The following SRRM4 variants were observed in gnomAD, a reference collection of about 807,000 sequenced individuals.
The protein encoded by SRRM4 is serine/arginine repetitive matrix protein 4.
Under a neutral mutation model 68.9 loss-of-function variants are expected in SRRM4, and 33 were observed. That is an observed-to-expected ratio of 0.48 (90% confidence interval 0.36 to 0.64). The LOEUF (loss-of-function observed/expected upper bound fraction) is 0.64, where lower values mean the gene tolerates loss of function less well. Among genes scored for constraint, SRRM4 ranks in the 30% least tolerant of loss-of-function variants. The probability of loss-of-function intolerance (pLI) is 0.00; values close to 1 mark genes in which losing one functional copy is unlikely to be tolerated. For synonymous variants in SRRM4, 318 were observed against 318.8 expected (o/e 1.00, Z 0.03); for missense variants, 817 against 827.1 (o/e 0.99, Z 0.15).
At chr12:119,095,037 CCA>C (rs1263095069) in intron 1 of SRRM4, among the ~76,000 whole-genome samples, 56 of 152,318 alleles carry the variant, frequency 3.7e-4, no homozygotes, top group Admixed American at 3.7e-3. Context: ...TGTGCAATCC[CCA>C]GTTTTCCTCT....
chr12:119,003,530 G>A (rs1287919975), intron 1 of SRRM4, among the ~76,000 whole-genome samples: 2 of 151,970 alleles, frequency 1.3e-5, no homozygotes, highest in African/African-American at 2.4e-5. Context: ...TTAAGCAGGA[G>A]AGCTGGTAGA....
chr12:119,091,164 C>T (rs993051793), intron 1 of SRRM4, among the ~76,000 whole-genome samples: 1 of 152,216 alleles, frequency 6.6e-6, no homozygotes, highest in African/African-American at 2.4e-5. Flanking sequence ...GAGCCATCCT[C>T]TCAGAAGCCC....
intron 1 of SRRM4, among the ~76,000 whole-genome samples, chr12:119,032,764 G>A (rs1813669961): frequency 6.6e-6 from 1 of 152,086 alleles, no homozygotes; most frequent in Admixed American, 6.5e-5. Context: ...AGTGGCCAAG[G>A]CCCAAGACTT....
chr12:119,023,904 C>T (rs188786195), intron 1 of SRRM4, among the ~76,000 whole-genome samples: 103 of 152,306 alleles, frequency 6.8e-4, no homozygotes, highest in Non-Finnish European at 9.8e-4. Context: ...CCTTCCCCTA[C>T]ACCCCGCATT....
chr12:119,136,512 T>C (rs1001414660), intron 8 of SRRM4, among the ~76,000 whole-genome samples: 1 of 152,094 alleles, frequency 6.6e-6, no homozygotes, highest in South Asian at 2.1e-4. Context: ...GGAAGTGACA[T>C]AGCATTGTCA....
At position 119,157,740 on chromosome 12, in the gene SRRM4, C is replaced by T. The variant is rs1374987060; in HGVS notation, c.*942C>T. The T allele has an allele frequency of 6.6e-6, 1 of 152,380 alleles. No homozygotes were observed. The highest frequency in any genetic ancestry group is 1.5e-5 in the Non-Finnish European group (1 of 68,160). The allele number at this position is 152,380 out of a possible 1,614,324, so 9.4% of individuals were successfully genotyped here. A position where few individuals can be genotyped will look rare whatever the true frequency, so the allele number is the denominator to read the frequency against. On this transcript the variant is annotated 3_prime_UTR_variant, in exon 13 of 13. Coordinates refer to ENST00000267260, the MANE Select transcript of SRRM4 (RefSeq NM_194286.4). This position sits in a 1 kb window ranked among gnomAD's most constrained non-coding sequence, Gnocchi z 4.1. Reference sequence around the variant, plus strand: ...AGTGCCATGGCCAGTTGCCAGGCCCCAGCGCCAGCCAGTCTGGCCTTACCC... The same window carrying T: ...AGTGCCATGGCCAGTTGCCAGGCCCTAGCGCCAGCCAGTCTGGCCTTACCC...
chr12:118,984,470 A>G (rs1465167774), intron 1 of SRRM4, among the ~76,000 whole-genome samples: 2 of 152,162 alleles, frequency 1.3e-5, no homozygotes, highest in Non-Finnish European at 2.9e-5. Flanking sequence ...AGCAGTCTGC[A>G]GGGGGATGGC....
chr12:119,152,058 T>C (rs1262586823), intron 10 of SRRM4, among the ~76,000 whole-genome samples: 2 of 152,196 alleles, frequency 1.3e-5, no homozygotes, highest in Admixed American at 6.5e-5. Context: ...GATTGCCTCA[T>C]GTAGAATAAT....
rs1458716110 is a variant in SRRM4 at position 119,158,756 on chromosome 12, C to T, written c.*1958C>T. The T allele has an allele frequency of 6.5e-6, 1 of 152,684 alleles. No homozygotes were observed. The highest frequency in any genetic ancestry group is 2.4e-5 in the African/African-American group (1 of 41,466). The allele number at this position is 152,684 out of a possible 1,614,324, so 9.5% of individuals were successfully genotyped here. ...CCATGGAGACAAAGGCTTCCCAGAGCCACCAAAAACCTTCTTAGCAGGACA... is the reference window on the plus strand; with the variant it reads ...CCATGGAGACAAAGGCTTCCCAGAGTCACCAAAAACCTTCTTAGCAGGACA... On this transcript the variant is annotated 3_prime_UTR_variant, in exon 13 of 13. Transcript: ENST00000267260.
At chr12:118,997,021 A>T (rs1305523993) in intron 1 of SRRM4, among the ~76,000 whole-genome samples, 7 of 152,234 alleles carry the variant, frequency 4.6e-5, no homozygotes. Context: ...TGCACTGGGC[A>T]ATCGCTCAGA....
intron 12 of SRRM4, among the ~76,000 whole-genome samples, chr12:119,155,775 C>T (rs945354535): frequency 6.6e-6 from 1 of 152,168 alleles, no homozygotes; most frequent in Non-Finnish European, 1.5e-5. Context: ...AATATAATTC[C>T]TAGCATAATT....
intron 1 of SRRM4, among the ~76,000 whole-genome samples, chr12:119,095,618 G>A (rs551502892): frequency 2.6e-5 from 4 of 151,992 alleles, no homozygotes; most frequent in Non-Finnish European, 4.4e-5. Flanking sequence ...AAATGTCAGC[G>A]ATGTCTCCAA....
intron 12 of SRRM4, among the ~76,000 whole-genome samples, chr12:119,156,246 T>A (rs576729170): frequency 1.6e-4 from 25 of 152,358 alleles, no homozygotes; most frequent in Non-Finnish European, 3.2e-4. Flanking sequence ...CTGAAGGCTC[T>A]GAGCTCCAGG....
intron 1 of SRRM4, among the ~76,000 whole-genome samples, chr12:119,092,072 T>C (rs1954017377): frequency 6.6e-6 from 1 of 152,200 alleles, no homozygotes; most frequent in African/African-American, 2.4e-5. Context: ...ATGAATAACT[T>C]GGAGCTGTCA....
At chr12:119,006,261 C>T (rs867743815) in intron 1 of SRRM4, among the ~76,000 whole-genome samples, 4 of 152,164 alleles carry the variant, frequency 2.6e-5, no homozygotes, top group Admixed American at 6.5e-5. Flanking sequence ...TCTTTCTCTC[C>T]CCTCTTTTGG....
intron 1 of SRRM4, among the ~76,000 whole-genome samples, chr12:119,056,946 T>C (rs552084897): frequency 6.6e-5 from 10 of 152,332 alleles, no homozygotes; most frequent in African/African-American, 2.2e-4. Context: ...GGAATCTTTC[T>C]GGCAGTAAAT....
intron 1 of SRRM4, among the ~76,000 whole-genome samples, chr12:119,051,852 G>A (rs1240715286): frequency 6.6e-6 from 1 of 152,236 alleles, no homozygotes; most frequent in Non-Finnish European, 1.5e-5. Flanking sequence ...CTGCTTTACA[G>A]CATCGTCAAA....
chr12:119,058,892 T>C (rs1953793551), intron 1 of SRRM4, among the ~76,000 whole-genome samples: 1 of 152,226 alleles, frequency 6.6e-6, no homozygotes, highest in South Asian at 2.1e-4. Flanking sequence ...CCACCCCATC[T>C]TGCAATGGTG....
At chr12:119,051,344 C>T (rs1953741218) in intron 1 of SRRM4, among the ~76,000 whole-genome samples, 1 of 152,150 alleles carries the variant, frequency 6.6e-6, no homozygotes, top group African/African-American at 2.4e-5. Flanking sequence ...ATGTAATCCT[C>T]CCAACACTGG....
Sources: gnomAD v4.1 joint callset for allele counts (sites outside exome capture counted in the v4.1 genomes callset) on GRCh38, gnomAD v4.1.1 for gene constraint, Gnocchi (gnomAD v3.1) non-coding constraint, MANE v1.5 for transcripts, NCBI Gene and HGNC (gene_info 2026-07-23, HGNC 2026-07-21) for gene names.